The following IRAK1BP1 variants were observed in gnomAD, a reference collection of about 807,000 sequenced individuals.
The protein encoded by IRAK1BP1 is interleukin-1 receptor-associated kinase 1-binding protein 1.
Under a neutral mutation model 28.0 loss-of-function variants are expected in IRAK1BP1, and 24 were observed. That is an observed-to-expected ratio of 0.86 (90% confidence interval 0.62 to 1.20). The LOEUF (loss-of-function observed/expected upper bound fraction) is 1.20. IRAK1BP1 is among the 50% of genes most tolerant of loss of function. The probability of loss-of-function intolerance (pLI) is 0.00; values close to 1 mark genes in which losing one functional copy is unlikely to be tolerated. For synonymous variants in IRAK1BP1, 131 were observed against 116.3 expected (o/e 1.13, Z -0.81); for missense variants, 336 against 316.7 (o/e 1.06, Z -0.46).
chr6:78,936,045 CAAA>C (rs1429230301), intron 4 of IRAK1BP1: 3 of 151,686 alleles, frequency 2.0e-5, no homozygotes, highest in Admixed American at 1.3e-4. Flanking sequence ...TCAGTATGTA[CAAA>C]AAGAAAGGGC....
At chr6:78,933,486 G>A (rs1196450389) in intron 4 of IRAK1BP1, among the ~76,000 whole-genome samples, 2 of 152,030 alleles carry the variant, frequency 1.3e-5, no homozygotes, top group Admixed American at 6.6e-5. Context: ...ATGGTGGCAG[G>A]CGCCTGTAAT....
rs898902260 is a variant in IRAK1BP1 at position 78,900,196 on chromosome 6, A to G, written c.*1862A>G. 6.6e-6 allele frequency: 1 copy of G among 152,250 alleles called. No individual in the cohort carries two copies. Among genetic ancestry groups the G allele is most frequent in the Non-Finnish European group, 1.5e-5 (1 of 68,042 alleles). The allele number at this position is 152,250 out of a possible 1,614,324, so 9.4% of individuals were successfully genotyped here. On this transcript the variant is annotated 3_prime_UTR_variant, in exon 4 of 4. Transcript: ENST00000369940. ...ACAGACCAAGGTCAAACACTGAGATAATAATGATTCTTAAGGCCATTTGAA... is the reference window on the plus strand; with the variant it reads ...ACAGACCAAGGTCAAACACTGAGATGATAATGATTCTTAAGGCCATTTGAA...
At chr6:78,949,328 A>AG (rs1356896582), downstream of IRAK1BP1, among the ~76,000 whole-genome samples, 31 of 152,136 alleles carry the variant, frequency 2.0e-4, no homozygotes, top group African/African-American at 7.5e-4. Flanking sequence ...AGTCTTAGTG[A>AG]GGGGTTCCAC....
intron 4 of IRAK1BP1, chr6:78,935,735 A>G: frequency 3.0e-6 from 3 of 985,282 alleles, no homozygotes; most frequent in Non-Finnish European, 3.6e-6. Flanking sequence ...ACTCTAATGA[A>G]CCAGCATTTA....
chr6:78,963,064 GTT>G, the IRAK1BP1 span: 1 of 1,536,152 alleles, frequency 6.5e-7, no homozygotes, highest in Non-Finnish European at 8.7e-7. Context: ...TGTTCTGCCA[GTT>G]TTTTCTATAC....
chr6:78,951,838 A>G, the IRAK1BP1 span, among the ~76,000 whole-genome samples: 36 of 152,252 alleles, frequency 2.4e-4, no homozygotes, highest in Non-Finnish European at 1.8e-4. Flanking sequence ...TGCACTGGAC[A>G]TAAGGGATAC....
intron 4 of IRAK1BP1, among the ~76,000 whole-genome samples, chr6:78,941,919 T>C (rs1407620972): frequency 3.9e-5 from 6 of 152,138 alleles, no homozygotes; most frequent in Non-Finnish European, 7.4e-5. Flanking sequence ...GGCAATCAAA[T>C]TCTAAACCTG....
At chr6:78,885,496 T>G (rs1403219610) in intron 2 of IRAK1BP1, 53 bp downstream of exon 2, 4 of 855,314 alleles carry the variant, frequency 4.7e-6, no homozygotes, top group Non-Finnish European at 7.3e-6. Flanking sequence ...AGACAGTCAT[T>G]TTTATTCTTG....
At chr6:78,878,191 C>T (rs2127641033) in intron 1 of IRAK1BP1, among the ~76,000 whole-genome samples, 1 of 152,302 alleles carries the variant, frequency 6.6e-6, no homozygotes, top group South Asian at 2.1e-4. Context: ...GACAGACTGC[C>T]TCCTCAAGAG....
At chr6:78,968,048 T>C in the IRAK1BP1 span, among the ~76,000 whole-genome samples, 2 of 151,984 alleles carry the variant, frequency 1.3e-5, no homozygotes, top group Non-Finnish European at 2.9e-5. Context: ...TGAGGTAGAA[T>C]GGTGTGAACC....
At chr6:78,946,023 T>C (rs1439269916) in exon 5 of IRAK1BP1, 1 of 1,608,994 alleles carries the variant, frequency 6.2e-7, no homozygotes. Flanking sequence ...GTATTGCAGA[T>C]GCATTAGCTT....
chr6:78,910,504 A>G (rs1772375377), intron 4 of IRAK1BP1, among the ~76,000 whole-genome samples: 1 of 152,276 alleles, frequency 6.6e-6, no homozygotes. Flanking sequence ...TCCCATAGAA[A>G]CAATAGTTAC....
the IRAK1BP1 span, among the ~76,000 whole-genome samples, chr6:78,954,600 C>T: frequency 6.6e-6 from 1 of 152,002 alleles, no homozygotes; most frequent in Non-Finnish European, 1.5e-5. Flanking sequence ...AACAGAATAA[C>T]CCAATTCTTA....
chr6:78,957,222 T>C, the IRAK1BP1 span: 4 of 152,000 alleles, frequency 2.6e-5, no homozygotes, highest in East Asian at 7.7e-4. Context: ...ATTATTTCAC[T>C]GAAATATGAA....
the IRAK1BP1 span, among the ~76,000 whole-genome samples, chr6:78,972,333 A>G: frequency 6.6e-6 from 1 of 152,214 alleles, no homozygotes; most frequent in Non-Finnish European, 1.5e-5. Flanking sequence ...TGTTAGAAGG[A>G]AAACTAACAA....
At position 78,901,370 on chromosome 6, in the gene IRAK1BP1, T is replaced by C. The variant is rs191653455; in HGVS notation, c.*3036T>C. ...GTAGTATTCTGTATACTAAAGGGTATCAAATTTAGTTGTCAGTTGATAGCA... is the reference window on the plus strand; with the variant it reads ...GTAGTATTCTGTATACTAAAGGGTACCAAATTTAGTTGTCAGTTGATAGCA... On this transcript the variant is annotated 3_prime_UTR_variant, in exon 4 of 4. Coordinates refer to ENST00000369940, the MANE Select transcript of IRAK1BP1 (RefSeq NM_001010844.4). The C allele has an allele frequency of 1.3e-5, 2 of 152,220 alleles. No homozygotes were observed. The highest frequency in any genetic ancestry group is 4.8e-5 in the African/African-American group (2 of 41,544). 9.4% of individuals were successfully genotyped at this position (152,220 alleles called of 1,614,324 possible).
Position 78,945,337 on chromosome 6 carries a change from C to T in IRAK1BP1, c.*68-71C>T, listed in dbSNP as rs1415320780. ...CAGCTGATGACTTTGAAAGAGTGGA[C>T]GCCTTTGGGAGTACAGATGACTTCA... On this transcript the variant is annotated intron_variant and NMD_transcript_variant, in intron 4 of 4. Coordinates refer to the IRAK1BP1 transcript ENST00000606868. The T allele has an allele frequency of 5.0e-6, 8 of 1,613,374 alleles. No homozygotes were observed. Among genetic ancestry groups the T allele is most frequent in the East Asian group, 2.2e-5 (1 of 44,852 alleles).
intron 4 of IRAK1BP1, among the ~76,000 whole-genome samples, chr6:78,908,301 T>TCAG (rs1338090664): frequency 2.0e-5 from 3 of 152,126 alleles, no homozygotes; most frequent in Non-Finnish European, 4.4e-5. Flanking sequence ...TCCACCCGCC[T>TCAG]CAGCATCCCA....
intron 4 of IRAK1BP1, among the ~76,000 whole-genome samples, chr6:78,929,123 A>G (rs1173457327): frequency 6.6e-6 from 1 of 152,146 alleles, no homozygotes; most frequent in African/African-American, 2.4e-5. Context: ...AGAATTCATC[A>G]GTGAAGCCAT....
Sources: allele counts gnomAD v4.1 joint callset (sites outside exome capture counted in the v4.1 genomes callset), GRCh38; gene constraint gnomAD v4.1.1; transcripts MANE v1.5; gene names NCBI Gene and HGNC (gene_info 2026-07-23, HGNC 2026-07-21).